Variants in WEE2 observed in about 807,000 individuals in gnomAD.
WEE2 encodes WEE2 oocyte meiosis inhibiting kinase, also known as wee1-like protein kinase 2.
In WEE2, 50 loss-of-function variants were observed where a neutral mutation model predicts 60.1. That is an observed-to-expected ratio of 0.83 (90% CI 0.66 to 1.05). WEE2 has a LOEUF of 1.05. Ranked by LOEUF, WEE2 falls within the 50% of genes least tolerant of loss-of-function variation. The pLI is 0.00. For missense variants in WEE2, 631 were observed against 684.3 expected (o/e 0.92, Z 0.87); for synonymous variants, 240 against 241.0 (o/e 1.00, Z 0.04).
At chr7:141,719,304 C>A in intron 4 of WEE2, 60 bp downstream of exon 4, 2 of 1,452,436 alleles carry the variant, frequency 1.4e-6, no homozygotes, top group South Asian at 1.3e-5. Context: ...TGTTTCTTGT[C>A]AAATTATTTT....
chr7:141,718,007 T>C (rs969948068), intron 3 of WEE2, among the ~76,000 whole-genome samples: 1 of 152,198 alleles, frequency 6.6e-6, no homozygotes, highest in African/African-American at 2.4e-5. Flanking sequence ...GCAAAAATAA[T>C]TCTTACTATT....
rs1287331707 is a variant in WEE2 at position 141,708,644 on chromosome 7, G to T, written c.-115G>T. ...CTGTTAGTTGGTAGAGGGAAATTCA[G>T]GCTACCGTCGCGAAACCTGCAGGTT... On this transcript the variant is annotated 5_prime_UTR_variant, in exon 1 of 12. The change creates a new upstream start codon in the 5' untranslated region. Coordinates refer to ENST00000397541, the MANE Select transcript of WEE2 (RefSeq NM_001105558.1). The T allele has an allele frequency of 3.8e-5, 32 of 851,108 alleles. No individual in the cohort carries two copies. The East Asian group carries it at 7.5e-4, about 20-fold the overall frequency. 52.7% of individuals were successfully genotyped at this position (851,108 alleles called of 1,614,324 possible). A position where few individuals can be genotyped will look rare whatever the true frequency, so the allele number is the denominator to read the frequency against.
chr7:141,708,381 A>G lies in WEE2; in HGVS notation c.-378A>G, dbSNP rs1798652626. The G allele has an allele frequency of 5.1e-6, 1 of 194,668 alleles. No homozygotes were observed. Among genetic ancestry groups the G allele is most frequent in the East Asian group, 1.3e-4 (1 of 7,938 alleles). The allele number at this position is 194,668 out of a possible 1,614,324, so 12.1% of individuals were successfully genotyped here. ...TTCTTTTCAATATTAGCTTATTCCC[A>G]AATTGGCTAATGGGTATTTTTAAAG... On this transcript the variant is annotated 5_prime_UTR_variant, in exon 1 of 12. Transcript: ENST00000397541.
intron 10 of WEE2, chr7:141,728,260 AAAG>A (rs1384791253): frequency 5.9e-5 from 9 of 152,242 alleles, no homozygotes; most frequent in African/African-American, 1.9e-4. Context: ...TGAAAATACA[AAAG>A]AAGAAAATGA....
chr7:141,710,107 T>C (rs1434504230), intron 1 of WEE2, among the ~76,000 whole-genome samples: 2 of 152,214 alleles, frequency 1.3e-5, no homozygotes, highest in East Asian at 1.9e-4. Context: ...CTCTGGGTTT[T>C]TCAGTGGTCA....
chr7:141,717,596 CT>C (rs1337432940), intron 3 of WEE2, among the ~76,000 whole-genome samples: 1 of 152,120 alleles, frequency 6.6e-6, no homozygotes, highest in African/African-American at 2.4e-5. Context: ...AAATTAGAAG[CT>C]ATGAGATATA....
chr7:141,715,793 C>CTAAT (rs1798783984), intron 2 of WEE2, among the ~76,000 whole-genome samples: 1 of 152,140 alleles, frequency 6.6e-6, no homozygotes, highest in South Asian at 2.1e-4. Flanking sequence ...CTGCCACTTG[C>CTAAT]TAATTGTTTG....
intron 1 of WEE2, 33 bp downstream of exon 1, chr7:141,709,133 G>A (rs1325127341): frequency 1.9e-6 from 3 of 1,581,732 alleles, no homozygotes; most frequent in Admixed American, 3.4e-5. Context: ...AGGGACGCAG[G>A]TCGCCAAGCT....
chr7:141,729,228 G>A (rs1799079533), intron 10 of WEE2, among the ~76,000 whole-genome samples: 2 of 152,102 alleles, frequency 1.3e-5, no homozygotes, highest in East Asian at 1.9e-4. Context: ...GTGGTTTATT[G>A]ACCCTGGTAC....
chr7:141,725,184 C>G lies in WEE2; in HGVS notation c.1380C>G (p.Ser460=). The G allele has an allele frequency of 6.2e-7, 1 of 1,613,950 alleles. No homozygotes were observed. The highest frequency in any genetic ancestry group is 8.5e-7 in the Non-Finnish European group (1 of 1,179,890). ...DVPQELSESF[S]SLLKNMIQPD... ...CTCAGGAGCTCTCAGAAAGCTTTTC[C>G]AGTCTGCTCAAGGTGATAGCTCTTA... Residue 460 remains serine, a synonymous_variant, in exon 9 of 12, where the codon TCC becomes TCG. Transcript: ENST00000397541.
At position 141,721,885 on chromosome 7, in the gene WEE2, A is replaced by T. The variant is rs144219548; in HGVS notation, c.880+829A>T. On this transcript the variant is annotated intron_variant, in intron 5 of 11. Transcript: ENST00000397541. ...TGCAAAAAATAAAAAACTTTACTGT[A>T]GCCCTCCTTGTGTTTCCGAAACGAG... Among the ~76,000 whole-genome samples, 486 of 152,356 alleles carry T rather than the reference A, an allele frequency of 3.2e-3. 7 individuals are homozygous for T. The highest frequency in any genetic ancestry group is 0.023 in the East Asian group (121 of 5,186).
Position 141,708,781 on chromosome 7 carries a change from A to C in WEE2, c.23A>C (p.Lys8Thr), listed in dbSNP as rs35672788. The change falls in exon 1 of 12, where the codon AAA (lysine) becomes ACA (threonine). Residue 8 changes from lysine to threonine, a missense_variant. Physicochemically the swap from Lys to Thr is moderately conservative, Grantham distance 78. Coordinates refer to ENST00000397541, the MANE Select transcript of WEE2 (RefSeq NM_001105558.1). ...GAGATGGATGACAAAGATATTGACAAAGAACTAAGGCAGAAATTAAACTTT... is the reference window on the plus strand; with the variant it reads ...GAGATGGATGACAAAGATATTGACACAGAACTAAGGCAGAAATTAAACTTT... Reference protein sequence around the residue: MDDKDIDKELRQKLNFSY... With the variant: MDDKDIDTELRQKLNFSY... 7,929 of 1,613,878 alleles carry C rather than the reference A, an allele frequency of 4.9e-3. 297 individuals are homozygous for C. In the African/African-American group the frequency reaches 0.085, roughly 17 times the overall value.
intron 6 of WEE2, among the ~76,000 whole-genome samples, 186 bp downstream of exon 6, chr7:141,723,466 T>C (rs1429347337): frequency 6.6e-6 from 1 of 151,906 alleles, no homozygotes; most frequent in East Asian, 1.9e-4. Context: ...CCAACAGACA[T>C]AGAAAAAAAG....
intron 10 of WEE2, chr7:141,728,233 C>T (rs1236150873): frequency 1.3e-5 from 2 of 152,182 alleles, no homozygotes; most frequent in Non-Finnish European, 1.5e-5. Flanking sequence ...GTAATTATTA[C>T]ATATACTGTA....
At chr7:141,712,362 AT>A (rs772231099) in intron 1 of WEE2, among the ~76,000 whole-genome samples, 5 of 151,976 alleles carry the variant, frequency 3.3e-5, no homozygotes, top group Non-Finnish European at 4.4e-5. Context: ...TATCCCCCAA[AT>A]TTCCCTTATC....
chr7:141,714,634 A>G (rs1418420626), intron 2 of WEE2, among the ~76,000 whole-genome samples: 3 of 152,208 alleles, frequency 2.0e-5, no homozygotes, highest in African/African-American at 7.2e-5. Flanking sequence ...CTATAAAAGG[A>G]TAAGACAGAA....
intron 2 of WEE2, among the ~76,000 whole-genome samples, chr7:141,715,026 T>C (rs1798772918): frequency 6.6e-6 from 1 of 152,166 alleles, no homozygotes; most frequent in Admixed American, 6.5e-5. Flanking sequence ...GCCTCCAAAG[T>C]GGGGCAGTCA....
In WEE2 at chr7:141,709,773, C is replaced by A. The variant is rs76245542; in HGVS notation, c.342+673C>A. On this transcript the variant is annotated intron_variant, in intron 1 of 11. Coordinates refer to ENST00000397541, the MANE Select transcript of WEE2 (RefSeq NM_001105558.1). ...CTGAGGATGGCAAATAAGCAAGAGTCCCTAGTAGCATATTCCTTTATTCTT... is the reference window on the plus strand; with the variant it reads ...CTGAGGATGGCAAATAAGCAAGAGTACCTAGTAGCATATTCCTTTATTCTT... 1.1e-3 allele frequency among the ~76,000 whole-genome samples: 168 copies of A among 152,260 alleles called. 2 individuals are homozygous for A. The East Asian group carries it at 0.029, about 26-fold the overall frequency.
chr7:141,712,580 C>T (rs945226262), intron 1 of WEE2, among the ~76,000 whole-genome samples: 4 of 152,124 alleles, frequency 2.6e-5, no homozygotes, highest in East Asian at 1.9e-4. Flanking sequence ...CCAGCAATAA[C>T]GACTATATTA....
Sources: gnomAD v4.1 joint callset for allele counts (sites outside exome capture counted in the v4.1 genomes callset) on GRCh38, gnomAD v4.1.1 for gene constraint, MANE v1.5 for transcripts, NCBI Gene and HGNC (gene_info 2026-07-23, HGNC 2026-07-21) for gene names.